Variants in GADL1 observed in about 807,000 individuals in gnomAD.
GADL1 encodes GAD like acidic amino acid decarboxylase 1.
In GADL1, 71 loss-of-function variants were observed where a neutral mutation model predicts 69.5. The observed-to-expected ratio is 1.02, with a 90% confidence interval of 0.84 to 1.25. The LOEUF (loss-of-function observed/expected upper bound fraction) is 1.25, where lower values mean the gene tolerates loss of function less well. Among genes scored for constraint, GADL1 ranks in the 50% most tolerant of loss-of-function variants. GADL1 has a pLI of 0.00. For synonymous variants in GADL1, 254 were observed against 214.4 expected, an observed-to-expected ratio of 1.18 and a Z score of -1.62; for missense variants, 737 against 631.8, an observed-to-expected ratio of 1.17 and a Z score of -1.79.
At chr3:30,797,438 G>A (rs1697059805) in intron 12 of GADL1, among the ~76,000 whole-genome samples, 1 of 152,156 alleles carries the variant, frequency 6.6e-6, no homozygotes, top group African/African-American at 2.4e-5. Flanking sequence ...TAAATAGCAT[G>A]TAGGACATCC....
At chr3:30,775,770 C>G (rs1327353760) in intron 14 of GADL1, among the ~76,000 whole-genome samples, 1 of 152,066 alleles carries the variant, frequency 6.6e-6, no homozygotes, top group Non-Finnish European at 1.5e-5. Context: ...AAGAGAATGT[C>G]CCAATTCCTG....
intron 14 of GADL1, among the ~76,000 whole-genome samples, chr3:30,752,591 T>C (rs942475965): frequency 3.3e-5 from 5 of 152,198 alleles, no homozygotes; most frequent in African/African-American, 1.2e-4. Context: ...GCGAGTGTTT[T>C]TCTCTGTCCT....
At chr3:30,747,481 C>T (rs1462669674) in intron 14 of GADL1, among the ~76,000 whole-genome samples, 1 of 152,170 alleles carries the variant, frequency 6.6e-6, no homozygotes, top group Non-Finnish European at 1.5e-5. Flanking sequence ...ACAAACTTAG[C>T]AATTTTGGTA....
At chr3:30,785,799 C>T (rs1696776257) in intron 13 of GADL1, among the ~76,000 whole-genome samples, 2 of 149,516 alleles carry the variant, frequency 1.3e-5, no homozygotes, top group Non-Finnish European at 2.9e-5. Flanking sequence ...ATTTATATTT[C>T]TTAAAAACCA....
chr3:30,797,890 G>GT (rs1697078169), intron 12 of GADL1: 1 of 152,130 alleles, frequency 6.6e-6, no homozygotes, highest in Admixed American at 6.6e-5. Flanking sequence ...ACCTTGAACA[G>GT]TATAAGCTCA....
chr3:30,752,407 AAG>A (rs1260313952), intron 14 of GADL1, among the ~76,000 whole-genome samples: 2 of 151,940 alleles, frequency 1.3e-5, no homozygotes, highest in Non-Finnish European at 2.9e-5. Context: ...TGTATGGTGA[AAG>A]AGGATGGGAG....
intron 11 of GADL1, among the ~76,000 whole-genome samples, chr3:30,801,504 C>T (rs568132132): frequency 6.2e-4 from 94 of 151,920 alleles, no homozygotes; most frequent in African/African-American, 2.1e-3. Context: ...GGTTTTAAGA[C>T]CTTCTCTCCT....
At chr3:30,774,479 A>T (rs1383951177) in intron 14 of GADL1, among the ~76,000 whole-genome samples, 2 of 152,210 alleles carry the variant, frequency 1.3e-5, no homozygotes, top group Non-Finnish European at 2.9e-5. Context: ...AAAGTATATC[A>T]TTAATACCAC....
At chr3:30,777,063 G>T (rs1319232035) in intron 14 of GADL1, among the ~76,000 whole-genome samples, 2 of 151,886 alleles carry the variant, frequency 1.3e-5, no homozygotes. Context: ...CCTTGTGATT[G>T]TCTCTTTACT....
At chr3:30,785,138 C>A (rs1696760154) in intron 13 of GADL1, among the ~76,000 whole-genome samples, 1 of 152,146 alleles carries the variant, frequency 6.6e-6, no homozygotes, top group African/African-American at 2.4e-5. Context: ...AGTACTATAT[C>A]TATAACCTGT....
At chr3:30,889,074 C>T (rs1159235982) in intron 1 of GADL1, among the ~76,000 whole-genome samples, 3 of 96,660 alleles carry the variant, frequency 3.1e-5, no homozygotes, top group South Asian at 3.3e-4. Context: ...ACCGAAGACT[C>T]GGTAATCTAT....
chr3:30,878,193 A>G (rs543975870), intron 1 of GADL1, among the ~76,000 whole-genome samples: 20 of 152,006 alleles, frequency 1.3e-4, no homozygotes, highest in Admixed American at 5.2e-4. Context: ...ATAATGCTCT[A>G]CAAAACACCT....
Position 30,839,027 on chromosome 3 carries a change from G to C in GADL1, c.873C>G (p.Cys291Trp). 1 of 1,603,900 alleles carries C rather than the reference G, an allele frequency of 6.2e-7. No homozygotes were observed. The highest frequency in any genetic ancestry group is 8.5e-7 in the Non-Finnish European group (1 of 1,175,300). ...CATGAAGCCAGAGGCTGTGCCTCTC[G>C]CAGATGTCTGCTATTTCATCCAGAG... is the stretch of plus-strand genomic sequence containing the variant. ...FDPLDEIADI[C>W]ERHSLWLHVD... The change falls in exon 9 of 15, where the codon TGC becomes TGG. Residue 291 changes from cysteine to tryptophan, a missense_variant. Cys to Trp is a radical substitution (Grantham distance 215, BLOSUM62 -2). Coordinates refer to ENST00000282538, the MANE Select transcript of GADL1 (RefSeq NM_207359.3).
chr3:30,774,504 C>T (rs995540010), intron 14 of GADL1, among the ~76,000 whole-genome samples: 12 of 152,148 alleles, frequency 7.9e-5, no homozygotes, highest in African/African-American at 2.4e-4. Flanking sequence ...TTGCTGTTTT[C>T]ATCACTAACA....
At chr3:30,830,908 G>A (rs528506505) in intron 11 of GADL1, among the ~76,000 whole-genome samples, 1 of 151,926 alleles carries the variant, frequency 6.6e-6, no homozygotes, top group East Asian at 1.9e-4. Flanking sequence ...TGCTGTATCA[G>A]TAATCAGGAT....
At chr3:30,740,957 T>TTATTATATATTATATATTAATATA (rs1225625939) in intron 14 of GADL1, among the ~76,000 whole-genome samples, 2,253 of 123,994 alleles carry the variant, frequency 0.018, 129 homozygotes, top group African/African-American at 0.057. Context: ...TCAAATATAT[T>TTATTATATATTATATATTAATATA]TATTATATAT....
intron 1 of GADL1, among the ~76,000 whole-genome samples, chr3:30,891,670 C>T (rs535832142): frequency 5.3e-4 from 80 of 152,092 alleles, no homozygotes; most frequent in African/African-American, 1.9e-3. Context: ...AAATAAAAAG[C>T]AGATCATAAT....
At chr3:30,870,298 A>G (rs1395899228) in intron 1 of GADL1, among the ~76,000 whole-genome samples, 1 of 151,830 alleles carries the variant, frequency 6.6e-6, no homozygotes, top group African/African-American at 2.4e-5. Flanking sequence ...ATCTGAATTG[A>G]GTTGTAAAAG....
chr3:30,770,326 T>C (rs1696388787), intron 14 of GADL1, among the ~76,000 whole-genome samples: 1 of 152,216 alleles, frequency 6.6e-6, no homozygotes, highest in African/African-American at 2.4e-5. Context: ...TCTGATATAC[T>C]TGGGAATTCA....
Sources: gnomAD v4.1 joint callset for allele counts (sites outside exome capture counted in the v4.1 genomes callset) on GRCh38, gnomAD v4.1.1 for gene constraint, MANE v1.5 for transcripts, NCBI Gene and HGNC (gene_info 2026-07-23, HGNC 2026-07-21) for gene names.